The following CYB5R2 variants were observed in gnomAD, a reference collection of about 807,000 sequenced individuals.
CYB5R2 encodes the protein cytochrome b5 reductase 2.
In CYB5R2, 35 loss-of-function variants were observed where a neutral mutation model predicts 29.8. The observed-to-expected ratio is 1.17, with a 90% CI of 0.90 to 1.56. The LOEUF (loss-of-function observed/expected upper bound fraction) is 1.56. Ranked by LOEUF, CYB5R2 falls within the 40% of genes most tolerant of loss-of-function variation. CYB5R2 has a pLI of 0.00. For synonymous variants in CYB5R2, 169 were observed against 130.6 expected (o/e 1.29, Z -2.01); for missense variants, 419 against 346.7 (o/e 1.21, Z -1.66).
chr11:7,667,607 A>T (rs1855385614), intron 7 of CYB5R2, 121 bp downstream of exon 7: 12 of 914,482 alleles, frequency 1.3e-5, no homozygotes, highest in Non-Finnish European at 1.8e-5. Flanking sequence ...GATCCCACTA[A>T]GCCCTCCCAC....
In CYB5R2 at chr11:7,666,295, A is replaced by T. The variant is rs978740376; in HGVS notation, c.658+156T>A. On this transcript the variant is annotated intron_variant, in intron 8 of 8. Coordinates refer to ENST00000299498, the MANE Select transcript of CYB5R2 (RefSeq NM_016229.5). The stretch of plus-strand genomic sequence containing the variant: ...GGCCATCCCAAATCCTTTCTCCCTC[A>T]ATTTCTCACATTTCCCATCTGGAGC... 3 of 613,670 alleles carry T rather than the reference A, an allele frequency of 4.9e-6. No homozygotes were observed. The East Asian group carries it at 8.3e-5, about 17-fold the overall frequency. 38.0% of individuals were successfully genotyped at this position (613,670 alleles called of 1,614,324 possible).
intron 7 of CYB5R2, 63 bp from the exon 8 acceptor site, chr11:7,666,613 T>A: frequency 8.1e-7 from 1 of 1,233,332 alleles, no homozygotes; most frequent in Non-Finnish European, 1.2e-6. Flanking sequence ...CTGGACTGAC[T>A]ACACCGGTCA....
At chr11:7,669,521 C>G in intron 4 of CYB5R2, 104 bp downstream of exon 4, 1 of 1,222,028 alleles carries the variant, frequency 8.2e-7, no homozygotes, top group Non-Finnish European at 1.2e-6. Flanking sequence ...GAAAGCCCTG[C>G]CTAGGGCATA....
chr11:7,669,602 C>T (rs1408527667), intron 4 of CYB5R2, 23 bp downstream of exon 4: 2 of 1,541,272 alleles, frequency 1.3e-6, no homozygotes, highest in Non-Finnish European at 1.8e-6. Context: ...ACGAGCTAGC[C>T]AGATATGGTG....
chr11:7,668,634 C>G (rs986189675), intron 5 of CYB5R2, 73 bp from the exon 6 acceptor site: 2 of 1,243,944 alleles, frequency 1.6e-6, no homozygotes, highest in African/African-American at 1.5e-5. Flanking sequence ...ACTGACATTC[C>G]TTAGGACTCC....
chr11:7,665,580 G>T, intron 8 of CYB5R2, 34 bp from the exon 9 acceptor site: 1 of 1,559,580 alleles, frequency 6.4e-7, no homozygotes, highest in South Asian at 1.3e-5. Flanking sequence ...CAAGCTGAGC[G>T]ATGCCAGGTG....
Position 7,669,747 on chromosome 11 carries a change from C to G in CYB5R2, c.152-16G>C, listed in dbSNP as rs117002162. 67,352 of 1,575,634 alleles carry G rather than the reference C, an allele frequency of 0.043. 1,617 individuals carry two copies. Among genetic ancestry groups the G allele is most frequent in the Non-Finnish European group, 0.049 (55,854 of 1,145,254 alleles). ...ACATAGTTACCTATAGAAAAGGCAT[C>G]AAGCACTGAGTCAAAGCATATTTAG... On this transcript the variant is annotated splice_polypyrimidine_tract_variant and intron_variant, in intron 3 of 8. Coordinates refer to ENST00000299498, the MANE Select transcript of CYB5R2 (RefSeq NM_016229.5).
chr11:7,666,845 C>CTCCTTT, intron 7 of CYB5R2: 1 of 280,482 alleles, frequency 3.6e-6, no homozygotes, highest in Non-Finnish European at 6.9e-6. Context: ...GCCAGGATGG[C>CTCCTTT]TTCACTCGGA....
chr11:7,672,673 G>A, intron 2 of CYB5R2, 75 bp downstream of exon 2: 2 of 1,585,048 alleles, frequency 1.3e-6, no homozygotes, highest in South Asian at 1.1e-5. Flanking sequence ...GAGGCCATGA[G>A]ATGACTGTCT....
At chr11:7,668,767 G>A in intron 5 of CYB5R2, 2 of 613,886 alleles carry the variant, frequency 3.3e-6, no homozygotes, top group Non-Finnish European at 5.8e-6. Context: ...CCTGGGCTTG[G>A]TCGGGGAATC....
At chr11:7,672,960 A>T in intron 1 of CYB5R2, 69 bp from the exon 2 acceptor site, 1 of 1,454,574 alleles carries the variant, frequency 6.9e-7, no homozygotes, top group Non-Finnish European at 9.4e-7. Context: ...TCTCAGGCGC[A>T]GAACACCCTC....
chr11:7,668,820 T>C (rs1043170896), intron 5 of CYB5R2: 3 of 588,266 alleles, frequency 5.1e-6, no homozygotes, highest in African/African-American at 3.7e-5. Flanking sequence ...CAAGCTGAAG[T>C]TAACACAGAG....
chr11:7,668,361 AC>A (rs1855480201), intron 6 of CYB5R2, 116 bp downstream of exon 6: 5 of 835,456 alleles, frequency 6.0e-6, no homozygotes, highest in Admixed American at 1.7e-5. Flanking sequence ...CATCGTTCCC[AC>A]CTTCTACAGC....
At chr11:7,668,676 C>T (rs777381677) in intron 5 of CYB5R2, 115 bp from the exon 6 acceptor site, 18 of 875,634 alleles carry the variant, frequency 2.1e-5, no homozygotes, top group Admixed American at 1.4e-4. Context: ...GGACTGTCTG[C>T]ACCATTTTAA....
At chr11:7,670,827 G>T (rs954772573) in intron 3 of CYB5R2, 1 of 152,356 alleles carries the variant, frequency 6.6e-6, no homozygotes, top group African/African-American at 2.4e-5. Context: ...AGAGGCAAGA[G>T]AAAGTTTTGT....
chr11:7,666,481 G>C lies in CYB5R2; in HGVS notation c.628C>G (p.Leu210Val). ...GGAGGCCTGTCCAGGGTGTACCACA[G>C]GTTGAACTGGTCTGGGTGAGTCCTG... Reference protein sequence around the residue: ...IARTHPDQFNLWYTLDRPPIG... With the variant: ...IARTHPDQFNVWYTLDRPPIG... The change falls in exon 8 of 9, where the codon CTG (leucine) becomes GTG (valine). Residue 210 changes from leucine to valine, a missense_variant. Transcript: ENST00000299498. 1 of 1,613,218 alleles carries C rather than the reference G, an allele frequency of 6.2e-7. No individual in the cohort carries two copies. The highest frequency in any genetic ancestry group is 8.5e-7 in the Non-Finnish European group (1 of 1,179,350).
chr11:7,665,260 G>T lies in CYB5R2; in HGVS notation c.*114C>A. On this transcript the variant is annotated 3_prime_UTR_variant, in exon 9 of 9. Coordinates refer to ENST00000299498, the MANE Select transcript of CYB5R2 (RefSeq NM_016229.5). The stretch of plus-strand genomic sequence containing the variant: ...CCAAAAGAGGAGAACCAGTGTGTGC[G>T]CGAAGGTACATGGCAAGGCACTTTT... The T allele has an allele frequency of 1.1e-6, 1 of 911,864 alleles. No individual in the cohort carries two copies. The highest frequency in any genetic ancestry group is 1.6e-6 in the Non-Finnish European group (1 of 614,456). The allele number at this position is 911,864 out of a possible 1,614,324, so 56.5% of individuals were successfully genotyped here. A position where few individuals can be genotyped will look rare whatever the true frequency, so the allele number is the denominator to read the frequency against.
intron 5 of CYB5R2, chr11:7,668,770 G>C (rs376974964): frequency 4.9e-6 from 3 of 611,100 alleles, no homozygotes; most frequent in Non-Finnish European, 8.7e-6. Context: ...GGGCTTGGTC[G>C]GGGAATCGCC....
At position 7,666,408 on chromosome 11, in the gene CYB5R2, G is replaced by C. The variant is rs186263416; in HGVS notation, c.658+43C>G. On this transcript the variant is annotated intron_variant, in intron 8 of 8. Transcript: ENST00000299498. ...AGACCAGTCCTCAAAGTGGTCAAGG[G>C]TTGGTGCTGACCCATGGTGAGTGAG... The C allele has an allele frequency of 3.9e-6, 5 of 1,295,438 alleles. No homozygotes were observed. The African/African-American group carries it at 7.3e-5, about 19-fold the overall frequency. The allele number at this position is 1,295,438 out of a possible 1,614,324, so 80.2% of individuals were successfully genotyped here.
Sources: allele counts gnomAD v4.1 joint callset, GRCh38; gene constraint gnomAD v4.1.1; transcripts MANE v1.5; gene names NCBI Gene and HGNC (gene_info 2026-07-23, HGNC 2026-07-21).